ASIC2: variants seen among roughly 807,000 people sequenced by gnomAD.
ASIC2 encodes the protein acid-sensing ion channel 2.
ASIC2 carries 25 observed loss-of-function variants against 57.3 expected under a neutral mutation model. The observed-to-expected ratio is 0.44, with a 90% CI of 0.32 to 0.61. The LOEUF (loss-of-function observed/expected upper bound fraction) is 0.61. Among genes scored for constraint, ASIC2 ranks in the 20% least tolerant of loss-of-function variants. The pLI is 0.06. For missense variants in ASIC2, 641 were observed against 738.1 expected (o/e 0.87, Z 1.52); for synonymous variants, 319 against 307.5 (o/e 1.04, Z -0.39).
chr17:33,869,189 A>G (rs763267806), intron 1 of ASIC2, among the ~76,000 whole-genome samples: 15 of 152,244 alleles, frequency 9.9e-5, no homozygotes, highest in Non-Finnish European at 2.1e-4. Flanking sequence ...TAAAATGCAC[A>G]TTGAAACCCA....
intron 1 of ASIC2, among the ~76,000 whole-genome samples, chr17:33,368,516 G>A (rs1908915512): frequency 6.6e-6 from 1 of 152,180 alleles, no homozygotes; most frequent in South Asian, 2.1e-4. Flanking sequence ...TTTAATAGAT[G>A]GTTGTCTTAC....
At chr17:33,584,086 T>G (rs1468590573) in intron 1 of ASIC2, among the ~76,000 whole-genome samples, 1 of 152,242 alleles carries the variant, frequency 6.6e-6, no homozygotes, top group Non-Finnish European at 1.5e-5. Flanking sequence ...AAAACCGATT[T>G]ATTTTTCCAT....
At chr17:33,503,465 G>C (rs545080382) in intron 1 of ASIC2, among the ~76,000 whole-genome samples, 8 of 152,212 alleles carry the variant, frequency 5.3e-5, no homozygotes, top group African/African-American at 1.9e-4. Context: ...CTGGGAGTCA[G>C]GGTTCCCCAG....
chr17:33,162,493 C>T (rs1905190526), intron 1 of ASIC2, among the ~76,000 whole-genome samples: 1 of 152,132 alleles, frequency 6.6e-6, no homozygotes, highest in South Asian at 2.1e-4. Context: ...AATGGCTTGC[C>T]TGGGTTCATG....
chr17:33,990,879 A>T (rs1325900139), intron 1 of ASIC2, among the ~76,000 whole-genome samples: 1 of 152,246 alleles, frequency 6.6e-6, no homozygotes, highest in Non-Finnish European at 1.5e-5. Flanking sequence ...ATGAACTATG[A>T]ATAATCACAT....
chr17:33,125,498 A>G (rs2092319614), intron 1 of ASIC2, among the ~76,000 whole-genome samples: 1 of 152,230 alleles, frequency 6.6e-6, no homozygotes, highest in Non-Finnish European at 1.5e-5. Flanking sequence ...TCACAATGAA[A>G]GACAAAACAT....
intron 2 of ASIC2, among the ~76,000 whole-genome samples, chr17:33,094,011 G>A (rs1411748326): frequency 6.6e-6 from 1 of 152,122 alleles, no homozygotes; most frequent in East Asian, 1.9e-4. Context: ...AGAGGAGAGG[G>A]TGGGACAATG....
intron 3 of ASIC2, among the ~76,000 whole-genome samples, chr17:33,066,367 G>A (rs113609167): frequency 3.3e-5 from 5 of 152,106 alleles, no homozygotes; most frequent in African/African-American, 1.2e-4. Context: ...AGCAGTTGGC[G>A]AGGTCCTGGA....
At chr17:33,744,415 T>A (rs895662162) in intron 1 of ASIC2, among the ~76,000 whole-genome samples, 2 of 152,128 alleles carry the variant, frequency 1.3e-5, no homozygotes, top group African/African-American at 4.8e-5. Flanking sequence ...TAAACAAGCA[T>A]CCAAAGAGAG....
At chr17:33,815,138 C>A (rs193063402) in intron 1 of ASIC2, among the ~76,000 whole-genome samples, 1 of 152,124 alleles carries the variant, frequency 6.6e-6, no homozygotes, top group Non-Finnish European at 1.5e-5. Flanking sequence ...CTTCCTGAGA[C>A]ACTAGCCATC....
At chr17:33,919,442 G>A (rs999317987) in intron 1 of ASIC2, among the ~76,000 whole-genome samples, 1 of 152,196 alleles carries the variant, frequency 6.6e-6, no homozygotes, top group Non-Finnish European at 1.5e-5. Flanking sequence ...AATAAATAGT[G>A]CTGGGATAAC....
At chr17:33,392,009 G>A (rs1458242511) in intron 1 of ASIC2, among the ~76,000 whole-genome samples, 3 of 152,014 alleles carry the variant, frequency 2.0e-5, no homozygotes, top group East Asian at 1.9e-4. Context: ...CCCCAAAACC[G>A]CTCCTCTGGT....
chr17:34,025,401 T>A (rs1371244433), intron 1 of ASIC2, among the ~76,000 whole-genome samples: 1 of 151,794 alleles, frequency 6.6e-6, no homozygotes, highest in Non-Finnish European at 1.5e-5. Context: ...CCTCGTGGAG[T>A]GGACTGCTCA....
chr17:33,045,655 T>C (rs1300755802), intron 3 of ASIC2, among the ~76,000 whole-genome samples: 1 of 152,136 alleles, frequency 6.6e-6, no homozygotes, highest in Non-Finnish European at 1.5e-5. Context: ...GGGGCCACCA[T>C]CTGACCTGCC....
In ASIC2 at chr17:33,194,370, T is replaced by A. The variant is rs560934301; in HGVS notation, c.709-82303A>T. 3.3e-5 allele frequency among the ~76,000 whole-genome samples: 5 copies of A among 152,288 alleles called. 1 individual carries two copies. The South Asian group carries it at 1.0e-3, about 32-fold the overall frequency. ...TGTCTTGGTTTCCCTGTCCAAGTAA[T>A]GGGTACACCAGTAGTTGCCCTTGTC... On this transcript the variant is annotated intron_variant, in intron 1 of 9. Transcript: ENST00000225823.
chr17:33,820,783 C>G (rs1044056326), intron 1 of ASIC2, among the ~76,000 whole-genome samples: 3 of 152,162 alleles, frequency 2.0e-5, no homozygotes, highest in African/African-American at 7.2e-5. Flanking sequence ...TTCAAGCATT[C>G]CTCTTACCTC....
intron 1 of ASIC2, among the ~76,000 whole-genome samples, chr17:34,020,847 C>G (rs371933391): frequency 1.3e-5 from 2 of 152,296 alleles, no homozygotes; most frequent in South Asian, 2.1e-4. Context: ...ATCCAGACTT[C>G]TGACCTACAG....
chr17:33,724,900 A>G (rs1344823262), intron 1 of ASIC2, among the ~76,000 whole-genome samples: 6 of 152,204 alleles, frequency 3.9e-5, no homozygotes, highest in Non-Finnish European at 8.8e-5. Flanking sequence ...TTCTTAAAAA[A>G]GGGAAAAACA....
intron 1 of ASIC2, among the ~76,000 whole-genome samples, chr17:33,125,082 C>G (rs991926982): frequency 6.6e-6 from 1 of 152,214 alleles, no homozygotes; most frequent in Non-Finnish European, 1.5e-5. Flanking sequence ...GCTTGCCCGC[C>G]GCTGACCTCC....
Sources: allele counts gnomAD v4.1 joint callset (sites outside exome capture counted in the v4.1 genomes callset), GRCh38; gene constraint gnomAD v4.1.1; transcripts MANE v1.5; gene names NCBI Gene and HGNC (gene_info 2026-07-23, HGNC 2026-07-21).